The following SEMA6D variants were observed in gnomAD, a reference collection of about 807,000 sequenced individuals.
SEMA6D encodes the protein semaphorin-6D.
In SEMA6D, 35 loss-of-function variants were observed where a neutral mutation model predicts 106.6. The ratio of observed to expected loss-of-function variants is 0.33; its 90% CI spans 0.25 to 0.44. The LOEUF (loss-of-function observed/expected upper bound fraction) is 0.44, where lower values mean the gene tolerates loss of function less well. SEMA6D is among the 20% of genes least tolerant of loss of function. The pLI is 1.00. For missense variants in SEMA6D, 1,185 were observed against 1,345.9 expected (o/e 0.88, Z 1.87); for synonymous variants, 499 against 487.7 (o/e 1.02, Z -0.31).
chr15:47,301,899 G>A (rs2036037330), intron 1 of SEMA6D, among the ~76,000 whole-genome samples: 2 of 152,204 alleles, frequency 1.3e-5, no homozygotes, highest in African/African-American at 4.8e-5. Context: ...TGGGTCAAAT[G>A]CAATATATAA....
intron 1 of SEMA6D, among the ~76,000 whole-genome samples, chr15:47,260,306 G>A (rs1174488614): frequency 1.3e-5 from 2 of 152,056 alleles, no homozygotes; most frequent in Non-Finnish European, 2.9e-5. Context: ...AGAAAGCTCT[G>A]CATCTTATTT....
chr15:47,533,626 C>CT (rs1418587582), intron 3 of SEMA6D, among the ~76,000 whole-genome samples: 1 of 152,126 alleles, frequency 6.6e-6, no homozygotes, highest in African/African-American at 2.4e-5. Context: ...GGATGTGTGA[C>CT]TGAGGGGGTG....
intron 1 of SEMA6D, among the ~76,000 whole-genome samples, chr15:47,724,819 T>C (rs926999623): frequency 1.1e-4 from 16 of 152,328 alleles, no homozygotes; most frequent in African/African-American, 3.8e-4. Context: ...GCCATCAGAA[T>C]GAATAGGATC....
At chr15:47,734,511 C>T (rs2080333622) in intron 1 of SEMA6D, among the ~76,000 whole-genome samples, 1 of 152,168 alleles carries the variant, frequency 6.6e-6, no homozygotes, top group Non-Finnish European at 1.5e-5. Flanking sequence ...CCTGACTTCT[C>T]CTTGTCACCA....
At chr15:47,507,467 G>C (rs1302126604) in intron 3 of SEMA6D, among the ~76,000 whole-genome samples, 1 of 151,972 alleles carries the variant, frequency 6.6e-6, no homozygotes, top group African/African-American at 2.4e-5. Flanking sequence ...CAGAGCCAGA[G>C]CAAGAAAAAG....
At chr15:47,591,433 A>G (rs2076437822) in intron 3 of SEMA6D, among the ~76,000 whole-genome samples, 1 of 152,264 alleles carries the variant, frequency 6.6e-6, no homozygotes, top group African/African-American at 2.4e-5. Flanking sequence ...ATCTAGGATG[A>G]TAAGAACTGC....
chr15:47,691,584 G>A (rs2078586786), intron 4 of SEMA6D, among the ~76,000 whole-genome samples: 2 of 152,086 alleles, frequency 1.3e-5, no homozygotes, highest in South Asian at 4.1e-4. Flanking sequence ...TGATTGATTT[G>A]AATATTAGAG....
intron 2 of SEMA6D, among the ~76,000 whole-genome samples, chr15:47,449,326 A>T (rs72733839): frequency 0.1 from 15,578 of 152,170 alleles, 960 homozygotes; most frequent in African/African-American, 0.14. Flanking sequence ...AGTCCATAAT[A>T]AAAATAATGC....
intron 1 of SEMA6D, among the ~76,000 whole-genome samples, chr15:47,236,955 A>G (rs2032583801): frequency 1.3e-5 from 2 of 152,170 alleles, no homozygotes; most frequent in Admixed American, 6.6e-5. Context: ...GTTGCAAGCA[A>G]GAGACAATGA....
intron 3 of SEMA6D, among the ~76,000 whole-genome samples, chr15:47,517,758 CCTCACT>C (rs1469879653): frequency 6.6e-6 from 1 of 152,104 alleles, no homozygotes; most frequent in African/African-American, 2.4e-5. Context: ...GTTTCTGGGT[CCTCACT>C]CTGAACTTTT....
At chr15:47,768,467 C>G (rs1255808380) in intron 17 of SEMA6D, 114 bp from the exon 18 acceptor site, 1 of 926,896 alleles carries the variant, frequency 1.1e-6, no homozygotes, top group African/African-American at 1.7e-5. Context: ...TTTACAAAAT[C>G]CTAGAGCAAA....
chr15:47,533,530 A>C (rs2044667499), intron 3 of SEMA6D, among the ~76,000 whole-genome samples: 1 of 152,186 alleles, frequency 6.6e-6, no homozygotes, highest in Admixed American at 6.5e-5. Flanking sequence ...AAGTCTGTAG[A>C]TTCACTTTCT....
At position 47,764,911 on chromosome 15, in the gene SEMA6D, C is replaced by T. The variant is rs1755118550; in HGVS notation, c.1282C>T (p.His428Tyr). 2 of 1,613,746 alleles carry T rather than the reference C, an allele frequency of 1.2e-6. No individual in the cohort carries two copies. Among genetic ancestry groups the T allele is most frequent in the Non-Finnish European group, 1.7e-6 (2 of 1,179,806 alleles). ...RYRLTAISVD[H>Y]SAGPYQNYTV... is the part of the protein sequence containing the mutation. ...CAGACTGACGGCCATCTCAGTGGAC[C>T]ATTCAGCCGGACCCTACCAGAACTA... The change falls in exon 13 of 19, where the codon CAT becomes TAT. Residue 428 changes from histidine (H) to tyrosine (Y), a missense_variant. Coordinates refer to ENST00000536845, the MANE Select transcript of SEMA6D (RefSeq NM_001358351.3).
At chr15:47,328,351 A>T (rs1337440288) in intron 1 of SEMA6D, among the ~76,000 whole-genome samples, 1 of 152,146 alleles carries the variant, frequency 6.6e-6, no homozygotes, top group African/African-American at 2.4e-5. Flanking sequence ...CAAAACACTT[A>T]AGCTTGGAAC....
intron 1 of SEMA6D, among the ~76,000 whole-genome samples, chr15:47,302,846 A>G (rs1009760506): frequency 6.6e-6 from 1 of 152,236 alleles, no homozygotes; most frequent in African/African-American, 2.4e-5. Flanking sequence ...GACCCATGTT[A>G]TACTTCTGAA....
intron 4 of SEMA6D, among the ~76,000 whole-genome samples, chr15:47,650,925 A>G (rs1057457777): frequency 2.0e-5 from 3 of 152,206 alleles, no homozygotes; most frequent in African/African-American, 4.8e-5. Context: ...TCATTGATTC[A>G]TTAGACCAGT....
intron 2 of SEMA6D, among the ~76,000 whole-genome samples, chr15:47,425,564 C>CT (rs1437782418): frequency 6.6e-6 from 1 of 151,848 alleles, no homozygotes; most frequent in Non-Finnish European, 1.5e-5. Context: ...TGTGCTTTAG[C>CT]TTTTTTACCC....
intron 4 of SEMA6D, among the ~76,000 whole-genome samples, chr15:47,690,354 A>G (rs1006510984): frequency 9.2e-5 from 14 of 151,872 alleles, no homozygotes; most frequent in African/African-American, 2.9e-4. Context: ...TGATAGATGG[A>G]AAAAAAACGC....
intron 1 of SEMA6D, chr15:47,398,032 C>T (rs966975608): frequency 2.0e-5 from 3 of 152,184 alleles, no homozygotes; most frequent in African/African-American, 7.2e-5. Context: ...CCTCCATTCC[C>T]CAACCCCCAA....
Sources: gnomAD v4.1 joint callset for allele counts (sites outside exome capture counted in the v4.1 genomes callset) on GRCh38, gnomAD v4.1.1 for gene constraint, MANE v1.5 for transcripts, NCBI Gene and HGNC (gene_info 2026-07-23, HGNC 2026-07-21) for gene names.